The following MCM5 variants were observed in gnomAD, a reference collection of about 807,000 sequenced individuals.
The protein encoded by MCM5 is minichromosome maintenance complex component 5.
In MCM5, 46 loss-of-function variants were observed where a neutral mutation model predicts 79.9. The observed-to-expected ratio is 0.58, with a 90% CI of 0.45 to 0.74. The LOEUF is 0.74. Among genes scored for constraint, MCM5 ranks in the 30% least tolerant of loss-of-function variants. The pLI, the probability that MCM5 is intolerant of heterozygous loss-of-function variation, is 0.00. For missense variants in MCM5, 883 were observed against 1,017.0 expected, an observed-to-expected ratio of 0.87 and a Z score of 1.79; for synonymous variants, 404 against 390.5, an observed-to-expected ratio of 1.03 and a Z score of -0.41.
chr22:35,418,686 TACACAC>T (rs34663823), intron 13 of MCM5, among the ~76,000 whole-genome samples: 11 of 149,202 alleles, frequency 7.4e-5, no homozygotes, highest in Non-Finnish European at 1.2e-4. Context: ...TATATATGTG[TACACAC>T]ACACACACAC....
intron 4 of MCM5, among the ~76,000 whole-genome samples, chr22:35,404,778 T>C (rs1472513202): frequency 1.3e-5 from 2 of 152,174 alleles, no homozygotes; most frequent in African/African-American, 4.8e-5. Flanking sequence ...GGTTCTCTCG[T>C]TCAGCCGGAG....
the MCM5 span, among the ~76,000 whole-genome samples, chr22:35,451,653 C>T: frequency 6.6e-6 from 1 of 152,214 alleles, no homozygotes; most frequent in African/African-American, 2.4e-5. Flanking sequence ...CCTCACTTTG[C>T]CCCTGTCTTT....
chr22:35,406,839 C>A, intron 5 of MCM5, 114 bp downstream of exon 5: 3 of 1,156,724 alleles, frequency 2.6e-6, no homozygotes, highest in African/African-American at 1.5e-5. Context: ...CTGGGATGGG[C>A]TGGGCAGGGG....
the MCM5 span, among the ~76,000 whole-genome samples, chr22:35,440,145 CA>C: frequency 6.6e-6 from 1 of 152,224 alleles, no homozygotes; most frequent in Non-Finnish European, 1.5e-5. Flanking sequence ...CTTCCCCTAA[CA>C]TCATCTCATG....
intron 14 of MCM5, among the ~76,000 whole-genome samples, chr22:35,420,561 A>T (rs1347193406): frequency 6.6e-6 from 1 of 152,226 alleles, no homozygotes; most frequent in African/African-American, 2.4e-5. Context: ...TCTTTTCTGT[A>T]GCACTGTCTG....
the MCM5 span, among the ~76,000 whole-genome samples, chr22:35,446,792 G>C: frequency 6.6e-6 from 1 of 151,744 alleles, no homozygotes; most frequent in Non-Finnish European, 1.5e-5. Context: ...TCGGTTCCCT[G>C]AGCATCTTCA....
chr22:35,433,016 C>G, the MCM5 span, among the ~76,000 whole-genome samples: 1 of 152,014 alleles, frequency 6.6e-6, no homozygotes, highest in Non-Finnish European at 1.5e-5. Context: ...CCCATTGCAC[C>G]CTCAACCTTG....
chr22:35,428,019 CTCTTT>C (rs1460521331), downstream of MCM5, among the ~76,000 whole-genome samples: 1 of 122,926 alleles, frequency 8.1e-6, no homozygotes, highest in Middle Eastern at 3.4e-3. Context: ...CTCTCTCTCT[CTCTTT>C]TTTTTTTTTT....
the MCM5 span, among the ~76,000 whole-genome samples, chr22:35,453,799 GATAT>G: frequency 5.3e-4 from 48 of 91,162 alleles, no homozygotes; most frequent in African/African-American, 1.2e-3. Context: ...AGAGACAAAA[GATAT>G]ATATATATAT....
the MCM5 span, among the ~76,000 whole-genome samples, chr22:35,446,853 G>C: frequency 6.6e-6 from 1 of 152,198 alleles, no homozygotes; most frequent in Non-Finnish European, 1.5e-5. Context: ...GTTTGTTCTA[G>C]AGATTCTAGT....
At position 35,416,705 on chromosome 22, in the gene MCM5, G is replaced by A. The variant is rs750195838; in HGVS notation, c.1481G>A (p.Arg494His). 36 of 1,614,014 alleles carry A rather than the reference G, an allele frequency of 2.2e-5. No homozygotes were observed. The highest frequency in any genetic ancestry group is 4.5e-5 in the East Asian group (2 of 44,886). Residue 494 changes from arginine (R) to histidine (H), a missense_variant, in exon 12 of 17, where the codon CGC becomes CAC. Transcript: ENST00000216122. ...VLAAANSVFG[R>H]WDETKGEDNI... ...GCTGCTGCCAACTCAGTGTTCGGCC[G>A]CTGGGATGAGACGAAGGGGGAGGAC...
At chr22:35,439,328 C>T in the MCM5 span, among the ~76,000 whole-genome samples, 1 of 152,006 alleles carries the variant, frequency 6.6e-6, no homozygotes, top group Non-Finnish European at 1.5e-5. Flanking sequence ...CCCATCCATC[C>T]ATCTACCCAC....
chr22:35,409,268 C>G (rs970924778), intron 6 of MCM5, among the ~76,000 whole-genome samples: 1 of 152,216 alleles, frequency 6.6e-6, no homozygotes, highest in Non-Finnish European at 1.5e-5. Context: ...CAGCGTACCC[C>G]AGGCTTTCTG....
the MCM5 span, among the ~76,000 whole-genome samples, chr22:35,453,831 G>T: frequency 8.8e-5 from 13 of 147,740 alleles, no homozygotes; most frequent in African/African-American, 2.5e-4. Flanking sequence ...GAGAGAGAGA[G>T]AGAGAGAGAG....
In MCM5 at chr22:35,424,279, T is replaced by G. The variant is rs1422932775; in HGVS notation, c.*24T>G. 2.7e-6 allele frequency: 4 copies of G among 1,503,832 alleles called. No homozygotes were observed. Among genetic ancestry groups the G allele is most frequent in the South Asian group, 1.2e-5 (1 of 81,226 alleles). The allele number at this position is 1,503,832 out of a possible 1,614,324, so 93.2% of individuals were successfully genotyped here. ...GAGTCGCGCCGCCTCACTGGACTCA[T>G]GGACTCGCCCACGCCTCGCCCCTCC... On this transcript the variant is annotated 3_prime_UTR_variant, in exon 17 of 17. Coordinates refer to ENST00000216122, the MANE Select transcript of MCM5 (RefSeq NM_006739.4).
intron 4 of MCM5, among the ~76,000 whole-genome samples, chr22:35,405,926 G>A (rs989597250): frequency 1.3e-5 from 2 of 151,466 alleles, no homozygotes; most frequent in African/African-American, 4.8e-5. Flanking sequence ...CAGGAGAATC[G>A]CTTGAACCCG....
chr22:35,427,964 C>CAGG (rs1474558687), downstream of MCM5, among the ~76,000 whole-genome samples: 1 of 151,212 alleles, frequency 6.6e-6, no homozygotes, highest in Non-Finnish European at 1.5e-5. Flanking sequence ...CACTTGAGGC[C>CAGG]AGGAGTTCAA....
At chr22:35,438,464 CATCCATCCACAT>C in the MCM5 span, among the ~76,000 whole-genome samples, 1,409 of 144,212 alleles carry the variant, frequency 9.8e-3, 11 homozygotes, top group African/African-American at 0.013. Flanking sequence ...CATATTCATC[CATCCATCCACAT>C]ATCCATCCAT....
chr22:35,419,370 C>A (rs1174095965), intron 13 of MCM5, among the ~76,000 whole-genome samples: 1 of 152,188 alleles, frequency 6.6e-6, no homozygotes, highest in Non-Finnish European at 1.5e-5. Context: ...GACTTCCCCA[C>A]ACCTACCGTC....
Sources: gnomAD v4.1 joint callset for allele counts (sites outside exome capture counted in the v4.1 genomes callset) on GRCh38, gnomAD v4.1.1 for gene constraint, MANE v1.5 for transcripts, NCBI Gene and HGNC (gene_info 2026-07-23, HGNC 2026-07-21) for gene names.